CCSER1: variants seen among roughly 807,000 people sequenced by gnomAD.
CCSER1 encodes the protein coiled-coil serine rich protein 1, also known as serine-rich coiled-coil domain-containing protein 1.
A neutral mutation model predicts 82.0 loss-of-function variants in CCSER1; 41 were observed. The ratio of observed to expected loss-of-function variants is 0.50; its 90% confidence interval spans 0.39 to 0.65. CCSER1 has a LOEUF of 0.65. Ranked by LOEUF, CCSER1 falls within the 30% of genes least tolerant of loss-of-function variation. CCSER1 has a pLI of 0.00. For missense variants in CCSER1, 1,119 were observed against 1,064.2 expected, an observed-to-expected ratio of 1.05 and a Z score of -0.72; for synonymous variants, 414 against 383.9, an observed-to-expected ratio of 1.08 and a Z score of -0.92.
At chr4:91,255,049 T>G (rs1317157213) in intron 10 of CCSER1, among the ~76,000 whole-genome samples, 1 of 152,102 alleles carries the variant, frequency 6.6e-6, no homozygotes, top group Admixed American at 6.6e-5. Context: ...TGCCTTGTTT[T>G]AAAGCAAACA....
chr4:91,546,541 ATTTC>A lies in CCSER1; in HGVS notation c.2218-52027_2218-52024del, dbSNP rs139945080. Among the ~76,000 whole-genome samples the A allele has an allele frequency of 1.1e-3, 172 of 152,180 alleles. 3 individuals are homozygous for A. In the East Asian group the frequency reaches 0.032, roughly 28 times the overall value. On this transcript the variant is annotated intron_variant, in intron 10 of 10. Transcript: ENST00000509176. ...TATGTAGGCACAGAATTTGCCTAAT[ATTTC>A]TTTATTATCATTGTAATGTTTATGT...
intron 8 of CCSER1, among the ~76,000 whole-genome samples, chr4:90,847,042 A>G (rs534834178): frequency 5.1e-4 from 78 of 152,150 alleles, no homozygotes; most frequent in Non-Finnish European, 8.4e-4. Flanking sequence ...CTGTTCCCCC[A>G]TTTGTAGCAT....
At chr4:91,144,874 T>C (rs1201208174) in intron 10 of CCSER1, among the ~76,000 whole-genome samples, 8 of 152,146 alleles carry the variant, frequency 5.3e-5, no homozygotes, top group African/African-American at 7.2e-5. Flanking sequence ...ACTTGCTTTA[T>C]GGCCCAGACT....
intron 6 of CCSER1, among the ~76,000 whole-genome samples, chr4:90,634,243 A>C (rs886168652): frequency 6.6e-6 from 1 of 151,886 alleles, no homozygotes; most frequent in South Asian, 2.1e-4. Flanking sequence ...TTGAAAATTT[A>C]TATAATTTAC....
At chr4:90,684,976 T>C (rs945769858) in intron 6 of CCSER1, among the ~76,000 whole-genome samples, 3 of 152,184 alleles carry the variant, frequency 2.0e-5, no homozygotes, top group African/African-American at 7.2e-5. Context: ...CCTGTATAAA[T>C]TACCCAGTCT....
chr4:91,012,574 A>T (rs1057371574), intron 9 of CCSER1, among the ~76,000 whole-genome samples: 1 of 151,522 alleles, frequency 6.6e-6, no homozygotes, highest in African/African-American at 2.4e-5. Flanking sequence ...GTGTAGTAGG[A>T]GCTGGAGGTT....
Position 91,314,748 on chromosome 4 carries a change from T to G in CCSER1, c.2217+228754T>G, listed in dbSNP as rs138747955. 4.4e-3 allele frequency among the ~76,000 whole-genome samples: 673 copies of G among 152,150 alleles called. 4 individuals carry two copies. Among genetic ancestry groups the G allele is most frequent in the African/African-American group, 0.016 (648 of 41,558 alleles). On this transcript the variant is annotated intron_variant, in intron 10 of 10. Coordinates refer to ENST00000509176, the MANE Select transcript of CCSER1 (RefSeq NM_001145065.2). ...TGACATTTCTGGGTTGTTATCTTTTTTAAATCTCCATCATACCAAATATGG... is the reference window on the plus strand; with the variant it reads ...TGACATTTCTGGGTTGTTATCTTTTGTAAATCTCCATCATACCAAATATGG...
chr4:90,481,517 A>C (rs1339586156), intron 5 of CCSER1, among the ~76,000 whole-genome samples: 1 of 152,154 alleles, frequency 6.6e-6, no homozygotes, highest in East Asian at 1.9e-4. Flanking sequence ...TGTCATAGAA[A>C]GCGCTTATTA....
At chr4:90,879,495 GAAGAAGAA>G (rs1720877840) in intron 8 of CCSER1, among the ~76,000 whole-genome samples, 1 of 122,784 alleles carries the variant, frequency 8.1e-6, no homozygotes, top group Non-Finnish European at 1.9e-5. Flanking sequence ...AGAGGAAGAA[GAAGAAGAA>G]GAAGAAGAAG....
At chr4:91,169,436 C>T (rs116163716) in intron 10 of CCSER1, among the ~76,000 whole-genome samples, 3,014 of 152,040 alleles carry the variant, frequency 0.02, 103 homozygotes, top group African/African-American at 0.068. Flanking sequence ...GCCTGGCCAC[C>T]GTGGCGAAGC....
At chr4:90,570,609 A>C (rs1279528161) in intron 5 of CCSER1, among the ~76,000 whole-genome samples, 4 of 152,100 alleles carry the variant, frequency 2.6e-5, no homozygotes, top group African/African-American at 9.7e-5. Context: ...GGGTGAATGC[A>C]GCCTACTAAA....
intron 8 of CCSER1, among the ~76,000 whole-genome samples, chr4:90,876,284 T>G (rs1580883497): frequency 6.6e-6 from 1 of 152,152 alleles, no homozygotes; most frequent in Non-Finnish European, 1.5e-5. Flanking sequence ...AAACCCAATT[T>G]TTATTCTAAC....
At chr4:90,671,004 G>T (rs991431979) in intron 6 of CCSER1, among the ~76,000 whole-genome samples, 3 of 152,040 alleles carry the variant, frequency 2.0e-5, no homozygotes, top group African/African-American at 7.2e-5. Context: ...ATAGTATGCT[G>T]CAGCCTATTA....
intron 5 of CCSER1, among the ~76,000 whole-genome samples, chr4:90,496,290 A>G (rs1046038361): frequency 6.6e-6 from 1 of 152,186 alleles, no homozygotes; most frequent in Non-Finnish European, 1.5e-5. Flanking sequence ...TCTGTGACAG[A>G]TTTATTTAAA....
intron 7 of CCSER1, among the ~76,000 whole-genome samples, chr4:90,810,064 G>T (rs781175201): frequency 2.0e-5 from 3 of 152,140 alleles, no homozygotes; most frequent in African/African-American, 7.2e-5. Context: ...CAGAGAAAAT[G>T]GGTATACTGC....
At chr4:90,345,800 A>G (rs757739636) in intron 3 of CCSER1, among the ~76,000 whole-genome samples, 3 of 152,100 alleles carry the variant, frequency 2.0e-5, no homozygotes, top group Admixed American at 6.6e-5. Flanking sequence ...CTTCTAAACC[A>G]TATTTTAGAG....
chr4:90,976,485 G>C, intron 9 of CCSER1, among the ~76,000 whole-genome samples: 1 of 150,904 alleles, frequency 6.6e-6, no homozygotes, highest in East Asian at 1.9e-4. Flanking sequence ...CAGTTTGGCG[G>C]TAAGAATTAA....
chr4:90,789,867 C>A (rs1169626195), intron 7 of CCSER1, among the ~76,000 whole-genome samples: 2 of 152,116 alleles, frequency 1.3e-5, no homozygotes, highest in Non-Finnish European at 2.9e-5. Flanking sequence ...TGGACTAATA[C>A]ACCTACTATA....
intron 8 of CCSER1, among the ~76,000 whole-genome samples, chr4:90,856,933 ATT>A (rs200607986): frequency 1.0e-4 from 14 of 139,602 alleles, no homozygotes; most frequent in East Asian, 4.2e-4. Context: ...TCGGAGCTGG[ATT>A]TTTTTTTTTT....
Sources: allele counts gnomAD v4.1 joint callset (sites outside exome capture counted in the v4.1 genomes callset), GRCh38; gene constraint gnomAD v4.1.1; transcripts MANE v1.5; gene names NCBI Gene and HGNC (gene_info 2026-07-23, HGNC 2026-07-21).